ASB17: variants seen among roughly 807,000 people sequenced by gnomAD.
ASB17 encodes the protein ankyrin repeat and SOCS box containing 17.
ASB17 carries 26 observed loss-of-function variants against 25.7 expected under a neutral mutation model. That is an observed-to-expected ratio of 1.01 (90% confidence interval 0.74 to 1.40). The LOEUF (loss-of-function observed/expected upper bound fraction) is 1.40. Among genes scored for constraint, ASB17 ranks in the 40% most tolerant of loss-of-function variants. ASB17 has a pLI of 0.00. For missense variants in ASB17, 326 were observed against 338.5 expected (o/e 0.96, Z 0.29); for synonymous variants, 128 against 121.4 (o/e 1.05, Z -0.36).
chr1:75,919,946 C>T (rs752878078), intron 2 of ASB17, among the ~76,000 whole-genome samples: 53 of 152,142 alleles, frequency 3.5e-4, no homozygotes, highest in East Asian at 7.7e-4. Context: ...GATCTAGATC[C>T]GAACAAGTTT....
intron 2 of ASB17, among the ~76,000 whole-genome samples, chr1:75,921,872 A>G (rs1321092422): frequency 6.6e-6 from 1 of 152,060 alleles, no homozygotes; most frequent in Non-Finnish European, 1.5e-5. Context: ...CTATACATAT[A>G]ACTTAAAATT....
intron 1 of ASB17, among the ~76,000 whole-genome samples, chr1:75,930,368 AT>A (rs1653292536): frequency 6.8e-6 from 1 of 147,570 alleles, no homozygotes; most frequent in Non-Finnish European, 1.5e-5. Flanking sequence ...ATAAATATAT[AT>A]ATATATATAA....
At chr1:75,921,127 T>G (rs1282197306) in intron 2 of ASB17, among the ~76,000 whole-genome samples, 1 of 152,202 alleles carries the variant, frequency 6.6e-6, no homozygotes, top group Non-Finnish European at 1.5e-5. Flanking sequence ...TTCATGGAAC[T>G]GGTTGAGAAT....
At chr1:75,925,434 G>C (rs562797765) in intron 1 of ASB17, among the ~76,000 whole-genome samples, 7 of 152,212 alleles carry the variant, frequency 4.6e-5, no homozygotes, top group African/African-American at 1.7e-4. Context: ...ACCTTTAGAA[G>C]ATAATGAATA....
At position 75,918,944 on chromosome 1, in the gene ASB17, G is replaced by A; in HGVS notation, c.*8C>T. 1 of 1,598,524 alleles carries A rather than the reference G, an allele frequency of 6.3e-7. No homozygotes were observed. Among genetic ancestry groups the A allele is most frequent in the Non-Finnish European group, 8.6e-7 (1 of 1,166,162 alleles). On this transcript the variant is annotated 3_prime_UTR_variant, in exon 3 of 3. Coordinates refer to ENST00000284142, the MANE Select transcript of ASB17 (RefSeq NM_080868.3). ...GCATTGTTAAGGAACTTAGGACACT[G>A]ACGTATGTTAGATTTCTAAATTCAG...
intron 2 of ASB17, among the ~76,000 whole-genome samples, chr1:75,920,813 C>T (rs1452925528): frequency 6.6e-6 from 1 of 151,586 alleles, no homozygotes; most frequent in Non-Finnish European, 1.5e-5. Flanking sequence ...CCCGCTCTTT[C>T]GCCCAGGCCA....
intron 1 of ASB17, among the ~76,000 whole-genome samples, chr1:75,928,490 C>T (rs1381184420): frequency 6.6e-6 from 1 of 152,102 alleles, no homozygotes; most frequent in African/African-American, 2.4e-5. Flanking sequence ...CTCCTCTCCT[C>T]CAGGGAGATA....
chr1:75,920,964 C>T (rs1653010618), intron 2 of ASB17, among the ~76,000 whole-genome samples: 1 of 151,996 alleles, frequency 6.6e-6, no homozygotes, highest in Admixed American at 6.6e-5. Context: ...TTAGTAGAGA[C>T]GGGGTTTCAC....
chr1:75,926,499 C>T (rs1653176104), intron 1 of ASB17, among the ~76,000 whole-genome samples: 1 of 152,128 alleles, frequency 6.6e-6, no homozygotes, highest in African/African-American at 2.4e-5. Context: ...GGAACCAGCG[C>T]GGCTGAAAAG....
At position 75,919,143 on chromosome 1, in the gene ASB17, C is replaced by T. The variant is rs151337429; in HGVS notation, c.697G>A (p.Gly233Arg). The T allele has an allele frequency of 3.7e-6, 6 of 1,611,172 alleles. No homozygotes were observed. In the African/African-American group the frequency reaches 8.0e-5, roughly 22 times the overall value. ...VKEIKTQLSL[G>R]RHPIISNWFD... ...CAATTTGAAATAATTGGATGTCTTC[C>T]TAAACTCAGCTGTGTCTGAAGAAAA... The change falls in exon 3 of 3, where the codon GGA becomes AGA. Residue 233 changes from glycine to arginine, a missense_variant. By Grantham distance (125) the Gly-to-Arg change is moderately radical (BLOSUM62 -2). Transcript: ENST00000284142.
chr1:75,926,274 GA>G (rs1653170104), intron 1 of ASB17, among the ~76,000 whole-genome samples: 2 of 152,282 alleles, frequency 1.3e-5, no homozygotes, highest in East Asian at 1.9e-4. Context: ...TGAGTGCTTG[GA>G]AAAAAGAATA....
chr1:75,926,205 C>T (rs74089661), intron 1 of ASB17, among the ~76,000 whole-genome samples: 7,171 of 152,074 alleles, frequency 0.047, 207 homozygotes, highest in African/African-American at 0.065. Flanking sequence ...TTATAGTGAA[C>T]GATTAACAAC....
chr1:75,922,340 A>T lies in ASB17; in HGVS notation c.421T>A (p.Cys141Ser). 1 of 1,602,130 alleles carries T rather than the reference A, an allele frequency of 6.2e-7. No homozygotes were observed. The change falls in exon 2 of 3, where the codon TGT (cysteine) becomes AGT (serine). Residue 141 changes from cysteine to serine, a missense_variant. Cys to Ser is a moderately radical substitution (Grantham distance 112, BLOSUM62 -1). Transcript: ENST00000284142. Reference sequence around the variant, plus strand: ...GTGATGCCACTTAATGGGCTTGGACAGTATACTGGTGTGAAAGTTCTGTGA... The same window carrying T: ...GTGATGCCACTTAATGGGCTTGGACTGTATACTGGTGTGAAAGTTCTGTGA... ...LIWRTFTPVY[C>S]PSPLSGITPL...
chr1:75,925,800 C>T (rs1653155809), intron 1 of ASB17, among the ~76,000 whole-genome samples: 1 of 152,100 alleles, frequency 6.6e-6, no homozygotes, highest in Non-Finnish European at 1.5e-5. Context: ...TTCTCATTCT[C>T]CTTCAATTTC....
At chr1:75,921,732 T>G (rs1310397437) in intron 2 of ASB17, among the ~76,000 whole-genome samples, 1 of 152,182 alleles carries the variant, frequency 6.6e-6, no homozygotes, top group African/African-American at 2.4e-5. Flanking sequence ...GTAACCCTTA[T>G]TTTGAAATAT....
intron 1 of ASB17, among the ~76,000 whole-genome samples, chr1:75,922,899 A>AT (rs2100609815): frequency 6.6e-6 from 1 of 152,342 alleles, no homozygotes; most frequent in African/African-American, 2.4e-5. Context: ...CATTGTAAAA[A>AT]TAAAAAAAAA....
rs757015802 is a variant in ASB17 at position 75,931,892 on chromosome 1, T to G, written c.400A>C (p.Arg134=). 6.3e-7 allele frequency: 1 copy of G among 1,585,314 alleles called. No individual in the cohort carries two copies. The highest frequency in any genetic ancestry group is 8.6e-7 in the Non-Finnish European group (1 of 1,167,532). ...AGTGAAAACATATGAAATTATTACC[T>G]CCATATCAGTGCCAGGTTACAACTT... is the stretch of plus-strand genomic sequence containing the variant. ...DRSCNLALIW[R]TFTPVYCPSP... is the part of the protein sequence containing the mutation. The change falls in exon 1 of 3, where the codon AGA becomes CGA. Residue 134 remains arginine (R), a splice_region_variant and synonymous_variant. Transcript: ENST00000284142.
rs1202870005 is a variant in ASB17, at chr1:75,932,208, T to C, written c.84A>G (p.Lys28=). ...IFCNLLDKIV[K]RPSLQFLGQW... ...GACCCAAAAACTGTAGGGAGGGTCT[T>C]TTAACAATTTTGTCAAGGAGATTGC... Residue 28 remains lysine (K), a synonymous_variant, in exon 1 of 3, where the codon AAA becomes AAG. Coordinates refer to ENST00000284142, the MANE Select transcript of ASB17 (RefSeq NM_080868.3). 6.2e-7 allele frequency: 1 copy of C among 1,614,012 alleles called. No homozygotes were observed. Among genetic ancestry groups the C allele is most frequent in the Non-Finnish European group, 8.5e-7 (1 of 1,179,944 alleles).
chr1:75,932,121 A>G lies in ASB17; in HGVS notation c.171T>C (p.Tyr57=), dbSNP rs754622969. 4.3e-6 allele frequency: 7 copies of G among 1,614,152 alleles called. No homozygotes were observed. In the East Asian group the frequency reaches 1.3e-4, roughly 31 times the overall value. Residue 57 remains tyrosine (Y), a synonymous_variant, in exon 1 of 3, where the codon TAT becomes TAC. Transcript: ENST00000284142. ...IYRSLAKILR[Y]VDLDGFDALL... is the part of the protein sequence containing the mutation. ...GTGCGTCAAAACCATCCAAGTCCAC[A>G]TACCTCAGAATTTTTGCCAGTGATC...
Sources: gnomAD v4.1 joint callset for allele counts (sites outside exome capture counted in the v4.1 genomes callset) on GRCh38, gnomAD v4.1.1 for gene constraint, MANE v1.5 for transcripts, NCBI Gene and HGNC (gene_info 2026-07-23, HGNC 2026-07-21) for gene names.